Variants in LDB2 observed in about 807,000 individuals in gnomAD.
The protein encoded by LDB2 is LIM domain binding 2.
A neutral mutation model predicts 44.3 loss-of-function variants in LDB2; 12 were observed. The observed-to-expected ratio is 0.27, with a 90% CI of 0.17 to 0.44. The LOEUF (loss-of-function observed/expected upper bound fraction) is 0.44. LDB2 is among the 20% of genes least tolerant of loss of function. LDB2 has a pLI of 1.00. For missense variants in LDB2, 344 were observed against 473.5 expected (o/e 0.73, Z 2.54); for synonymous variants, 164 against 174.8 (o/e 0.94, Z 0.49).
At chr4:16,855,050 G>C (rs545820791) in intron 1 of LDB2, among the ~76,000 whole-genome samples, 7 of 152,012 alleles carry the variant, frequency 4.6e-5, no homozygotes, top group Non-Finnish European at 7.4e-5. Context: ...CCAGTATACA[G>C]AAGGAAATGC....
chr4:16,833,178 T>G (rs920222673), intron 1 of LDB2, among the ~76,000 whole-genome samples: 2 of 152,200 alleles, frequency 1.3e-5, no homozygotes, highest in Non-Finnish European at 2.9e-5. Context: ...TAGGTCTGTC[T>G]AATGTTCAGG....
intron 2 of LDB2, among the ~76,000 whole-genome samples, chr4:16,742,074 C>CT (rs33990510): frequency 0.015 from 1,908 of 128,288 alleles, 26 homozygotes; most frequent in South Asian, 0.024. Flanking sequence ...CTTTTCTTTT[C>CT]TTTTTTTTTT....
chr4:16,695,368 T>G (rs930318320), intron 2 of LDB2, among the ~76,000 whole-genome samples: 3 of 149,908 alleles, frequency 2.0e-5, no homozygotes, highest in Admixed American at 6.7e-5. Context: ...CTGTCTCTAC[T>G]AAAAATACAA....
intron 2 of LDB2, among the ~76,000 whole-genome samples, chr4:16,751,186 T>C (rs1180592518): frequency 6.6e-6 from 1 of 152,184 alleles, no homozygotes; most frequent in Admixed American, 6.6e-5. Context: ...CATTTAAGCC[T>C]GTACGTTTGA....
intron 1 of LDB2, among the ~76,000 whole-genome samples, chr4:16,884,185 T>G (rs552545302): frequency 6.6e-6 from 1 of 152,164 alleles, no homozygotes; most frequent in Non-Finnish European, 1.5e-5. Flanking sequence ...CTCGGCCCAA[T>G]AGTAGACGCT....
At chr4:16,529,983 T>C (rs1230382049) in intron 5 of LDB2, among the ~76,000 whole-genome samples, 3 of 152,128 alleles carry the variant, frequency 2.0e-5, no homozygotes, top group African/African-American at 7.2e-5. Context: ...GCTGGTCTAA[T>C]TGACAGAAAT....
chr4:16,516,847 C>T (rs1220512930), intron 5 of LDB2, among the ~76,000 whole-genome samples: 1 of 152,210 alleles, frequency 6.6e-6, no homozygotes, highest in African/African-American at 2.4e-5. Context: ...GAATGCTAAT[C>T]GAGAATCCCC....
intron 2 of LDB2, among the ~76,000 whole-genome samples, chr4:16,647,121 G>A (rs1399187070): frequency 1.3e-5 from 2 of 152,184 alleles, no homozygotes; most frequent in Non-Finnish European, 2.9e-5. Context: ...GGACTATTTG[G>A]TCAGAAAAAG....
chr4:16,543,566 G>A (rs565156195), intron 5 of LDB2, among the ~76,000 whole-genome samples: 4 of 152,136 alleles, frequency 2.6e-5, no homozygotes, highest in Non-Finnish European at 5.9e-5. Context: ...CTGCATAAAT[G>A]TCTTCTTTTG....
chr4:16,612,778 G>A (rs1179020127), intron 2 of LDB2, among the ~76,000 whole-genome samples: 1 of 152,168 alleles, frequency 6.6e-6, no homozygotes, highest in African/African-American at 2.4e-5. Flanking sequence ...GAAATACAAA[G>A]AGGAGTTGTT....
chr4:16,547,329 G>A (rs1299613986), intron 5 of LDB2, among the ~76,000 whole-genome samples: 1 of 152,174 alleles, frequency 6.6e-6, no homozygotes, highest in East Asian at 1.9e-4. Context: ...CTTGACTTGG[G>A]ACTTTTGGCC....
intron 5 of LDB2, among the ~76,000 whole-genome samples, chr4:16,514,633 TTTCA>T (rs796406978): frequency 6.3e-4 from 96 of 152,364 alleles, no homozygotes; most frequent in African/African-American, 2.2e-3. Context: ...TGCACTTTTC[TTTCA>T]TTTGTAATTT....
chr4:16,592,770 G>C (rs538939477), intron 3 of LDB2, among the ~76,000 whole-genome samples: 1 of 151,790 alleles, frequency 6.6e-6, no homozygotes, highest in African/African-American at 2.4e-5. Flanking sequence ...AGATGATAAG[G>C]GTGGCCAATA....
At chr4:16,586,105 T>C in intron 4 of LDB2, 100 bp from the exon 5 acceptor site, 1 of 872,936 alleles carries the variant, frequency 1.1e-6, no homozygotes, top group Non-Finnish European at 1.9e-6. Flanking sequence ...AATCTCGACA[T>C]TGTTGATTTT....
At chr4:16,890,185 T>A (rs1248642790) in intron 1 of LDB2, among the ~76,000 whole-genome samples, 1 of 152,188 alleles carries the variant, frequency 6.6e-6, no homozygotes, top group African/African-American at 2.4e-5. Context: ...TGGTAGCAGA[T>A]AAGAATGGAC....
chr4:16,707,034 C>A (rs905218305), intron 2 of LDB2, among the ~76,000 whole-genome samples: 1 of 152,132 alleles, frequency 6.6e-6, no homozygotes, highest in Non-Finnish European at 1.5e-5. Context: ...GTCTGCAAAA[C>A]TTTTAAACAA....
intron 2 of LDB2, among the ~76,000 whole-genome samples, chr4:16,753,151 C>T (rs1300188972): frequency 6.6e-6 from 1 of 152,222 alleles, no homozygotes; most frequent in African/African-American, 2.4e-5. Context: ...TTTAAAGTGG[C>T]CACATTCCTG....
chr4:16,754,200 C>CACTT (rs769249288), intron 2 of LDB2, among the ~76,000 whole-genome samples: 1 of 152,216 alleles, frequency 6.6e-6, no homozygotes, highest in Non-Finnish European at 1.5e-5. Flanking sequence ...TCCTGCTCAC[C>CACTT]ACTTACTAGA....
At chr4:16,685,767 G>T (rs1255490914) in intron 2 of LDB2, among the ~76,000 whole-genome samples, 6 of 152,162 alleles carry the variant, frequency 3.9e-5, no homozygotes. Context: ...AGGCAAAAGA[G>T]GCCAGGCGCA....
Sources: gnomAD v4.1 joint callset for allele counts (sites outside exome capture counted in the v4.1 genomes callset) on GRCh38, gnomAD v4.1.1 for gene constraint, MANE v1.5 for transcripts, NCBI Gene and HGNC (gene_info 2026-07-23, HGNC 2026-07-21) for gene names.